LSAMP: variants seen among roughly 807,000 people sequenced by gnomAD.
LSAMP encodes limbic system associated membrane protein, also known as limbic system-associated membrane protein.
A neutral mutation model predicts 38.6 loss-of-function variants in LSAMP; 7 were observed. That is an observed-to-expected ratio of 0.18 (90% confidence interval 0.10 to 0.34). The LOEUF (loss-of-function observed/expected upper bound fraction) is 0.34. LSAMP is among the 10% of genes least tolerant of loss of function. The pLI, the probability that LSAMP is intolerant of heterozygous loss-of-function variation, is 1.00. For synonymous variants in LSAMP, 154 were observed against 166.8 expected (o/e 0.92, Z 0.59); for missense variants, 313 against 420.0 (o/e 0.75, Z 2.23).
chr3:116,374,693 T>A (rs567137085), intron 1 of LSAMP, among the ~76,000 whole-genome samples: 150 of 152,032 alleles, frequency 9.9e-4, no homozygotes, highest in Middle Eastern at 3.4e-3. Context: ...TCACTTCTTA[T>A]TTTTCAAAGC....
At chr3:116,208,899 A>C (rs2046110429) in intron 1 of LSAMP, among the ~76,000 whole-genome samples, 1 of 152,218 alleles carries the variant, frequency 6.6e-6, no homozygotes, top group African/African-American at 2.4e-5. Context: ...AGAGGCAGGC[A>C]GGCCTCCTTG....
At chr3:116,037,699 A>G (rs540056993) in intron 2 of LSAMP, among the ~76,000 whole-genome samples, 1 of 152,242 alleles carries the variant, frequency 6.6e-6, no homozygotes, top group African/African-American at 2.4e-5. Context: ...TGGTAACATT[A>G]CTGATTTTTA....
chr3:116,071,250 A>C lies in LSAMP; in HGVS notation c.388+15074T>G, dbSNP rs1471270599. On this transcript the variant is annotated intron_variant, in intron 2 of 6. Transcript: ENST00000490035. The stretch of plus-strand genomic sequence containing the variant: ...GGCTAAAGAAGAAAAAATAAAAAGA[A>C]ATATAAAAGGGGGAAAAGGGCATCA... Among the ~76,000 whole-genome samples, 4 of 151,136 alleles carry C rather than the reference A, an allele frequency of 2.6e-5. No individual in the cohort carries two copies. The East Asian group carries it at 7.7e-4, about 29-fold the overall frequency.
At chr3:115,969,804 T>C (rs1274218543) in intron 3 of LSAMP, among the ~76,000 whole-genome samples, 1 of 152,208 alleles carries the variant, frequency 6.6e-6, no homozygotes, top group Non-Finnish European at 1.5e-5. Flanking sequence ...TGCTAGTAAA[T>C]GGCAGTTCTT....
chr3:115,946,750 A>G (rs1938110624), intron 3 of LSAMP, among the ~76,000 whole-genome samples: 1 of 152,172 alleles, frequency 6.6e-6, no homozygotes, highest in African/African-American at 2.4e-5. Flanking sequence ...GAATACAAAA[A>G]AAAAGGGAAT....
intron 1 of LSAMP, among the ~76,000 whole-genome samples, chr3:116,273,789 A>C (rs184577352): frequency 0.012 from 1,680 of 134,842 alleles, 35 homozygotes; most frequent in African/African-American, 0.045. Flanking sequence ...TTACAGATAT[A>C]TATATCTTTC....
At chr3:115,957,860 T>C (rs1938500987) in intron 3 of LSAMP, among the ~76,000 whole-genome samples, 1 of 152,202 alleles carries the variant, frequency 6.6e-6, no homozygotes, top group African/African-American at 2.4e-5. Flanking sequence ...CACCTTGTTG[T>C]AGAGGCTTTT....
intron 3 of LSAMP, among the ~76,000 whole-genome samples, chr3:115,921,999 T>C (rs1937393721): frequency 6.6e-6 from 1 of 152,194 alleles, no homozygotes; most frequent in Non-Finnish European, 1.5e-5. Flanking sequence ...TTCTGACTTT[T>C]GGCAATTTGC....
chr3:116,354,092 C>T (rs2048186355), intron 1 of LSAMP, among the ~76,000 whole-genome samples: 1 of 152,122 alleles, frequency 6.6e-6, no homozygotes. Flanking sequence ...TTAATGCCAA[C>T]ATGGACTTTT....
intron 1 of LSAMP, among the ~76,000 whole-genome samples, chr3:116,272,603 T>C (rs1370213263): frequency 6.6e-6 from 1 of 152,200 alleles, no homozygotes; most frequent in East Asian, 1.9e-4. Context: ...TGATGATTTA[T>C]GTTGCTGTTA....
At chr3:116,078,921 C>T (rs943056181) in intron 2 of LSAMP, among the ~76,000 whole-genome samples, 2 of 152,080 alleles carry the variant, frequency 1.3e-5, no homozygotes, top group Non-Finnish European at 2.9e-5. Context: ...CATGAAGATG[C>T]TAAGTATTAG....
At chr3:115,986,685 C>T (rs534526350) in intron 3 of LSAMP, among the ~76,000 whole-genome samples, 2 of 150,120 alleles carry the variant, frequency 1.3e-5, no homozygotes, top group African/African-American at 4.9e-5. Context: ...ATCCAGGAGC[C>T]ACTGGAAAAA....
intron 1 of LSAMP, among the ~76,000 whole-genome samples, 194 bp from the exon 2 acceptor site, chr3:116,086,750 G>A (rs941525240): frequency 3.9e-5 from 6 of 152,292 alleles, no homozygotes; most frequent in African/African-American, 1.4e-4. Context: ...GTGGATGGAT[G>A]TCATTATATT....
At chr3:116,096,079 G>T (rs1254459544) in intron 1 of LSAMP, among the ~76,000 whole-genome samples, 1 of 152,082 alleles carries the variant, frequency 6.6e-6, no homozygotes. Context: ...TACCTTGTTT[G>T]GCACTCGTAA....
chr3:116,253,616 A>T (rs909619323), intron 1 of LSAMP, among the ~76,000 whole-genome samples: 3 of 152,222 alleles, frequency 2.0e-5, no homozygotes, highest in African/African-American at 7.2e-5. Flanking sequence ...GAGCTAGGCT[A>T]CAAGAAGTCC....
chr3:115,819,886 A>G (rs1293386240), intron 6 of LSAMP, among the ~76,000 whole-genome samples: 2 of 152,172 alleles, frequency 1.3e-5, no homozygotes, highest in African/African-American at 4.8e-5. Context: ...CTTCTGTAGG[A>G]GCAGAACATT....
intron 2 of LSAMP, among the ~76,000 whole-genome samples, chr3:116,075,585 A>G (rs2107395169): frequency 6.8e-6 from 1 of 146,286 alleles, no homozygotes; most frequent in African/African-American, 2.5e-5. Context: ...TCTGTCACCC[A>G]GGCTGGAGTG....
chr3:116,170,454 C>T (rs1176860371), intron 1 of LSAMP, among the ~76,000 whole-genome samples: 1 of 152,062 alleles, frequency 6.6e-6, no homozygotes, highest in African/African-American at 2.4e-5. Context: ...TTTTGTATAA[C>T]AGGCACTGGA....
chr3:115,850,416 G>C (rs540741430), intron 4 of LSAMP, among the ~76,000 whole-genome samples: 345 of 152,276 alleles, frequency 2.3e-3, no homozygotes, highest in Non-Finnish European at 3.9e-3. Context: ...AACTCCAAAA[G>C]TCAGGGAAGA....
Sources: allele counts gnomAD v4.1 joint callset (sites outside exome capture counted in the v4.1 genomes callset), GRCh38; gene constraint gnomAD v4.1.1; transcripts MANE v1.5; gene names NCBI Gene and HGNC (gene_info 2026-07-23, HGNC 2026-07-21).